CLEC7A: variants seen among roughly 807,000 people sequenced by gnomAD.
CLEC7A encodes C-type lectin domain containing 7A, also known as C-type lectin domain family 7 member A.
A neutral mutation model predicts 26.9 loss-of-function variants in CLEC7A; 25 were observed. The observed-to-expected ratio is 0.93, with a 90% CI of 0.68 to 1.30. The LOEUF (loss-of-function observed/expected upper bound fraction) is 1.30, where lower values mean the gene tolerates loss of function less well. Ranked by LOEUF, CLEC7A falls within the 50% of genes most tolerant of loss-of-function variation. The pLI, the probability that CLEC7A is intolerant of heterozygous loss-of-function variation, is 0.00. For synonymous variants in CLEC7A, 100 were observed against 99.5 expected (o/e 1.01, Z -0.03); for missense variants, 275 against 286.7 (o/e 0.96, Z 0.29).
intron 5 of CLEC7A, 138 bp downstream of exon 5, chr12:10,123,104 CTCT>C (rs1948148790): frequency 9.7e-6 from 6 of 619,124 alleles, no homozygotes; most frequent in South Asian, 2.0e-5. Flanking sequence ...TTCACTCTTT[CTCT>C]TCTTCTATAT....
chr12:10,127,654 A>G, intron 2 of CLEC7A, 93 bp downstream of exon 2: 2 of 983,750 alleles, frequency 2.0e-6, no homozygotes, highest in Non-Finnish European at 3.2e-6. Context: ...AAATTAAAGT[A>G]GATTATGCAT....
intron 5 of CLEC7A, among the ~76,000 whole-genome samples, chr12:10,118,867 A>G (rs890405127): frequency 6.6e-6 from 1 of 152,202 alleles, no homozygotes; most frequent in African/African-American, 2.4e-5. Flanking sequence ...AAAATCATTT[A>G]ATATTCTATA....
chr12:10,127,202 T>G, intron 2 of CLEC7A: 1 of 1,138,920 alleles, frequency 8.8e-7, no homozygotes, highest in Non-Finnish European at 1.2e-6. Context: ...AAAAAAATAT[T>G]AATCCATTAC....
At chr12:10,129,508 C>T (rs1341242762) in intron 1 of CLEC7A, among the ~76,000 whole-genome samples, 1 of 152,188 alleles carries the variant, frequency 6.6e-6, no homozygotes, top group Non-Finnish European at 1.5e-5. Context: ...GTTTAGGGTG[C>T]ATTCAATTTA....
Position 10,125,330 on chromosome 12 carries a change from A to C in CLEC7A, c.459T>G (p.Ser153=). ...TTGAGCTGTCTATCTTTAGGAGATT[A>C]GAGCCCAGTTGCCAGCATTGTCTTT... The part of the protein sequence containing the change: ...GSKRQCWQLG[S]NLLKIDSSNE... The change falls in exon 4 of 6, where the codon TCT becomes TCG. Residue 153 remains serine, a synonymous_variant. Transcript: ENST00000304084. The C allele has an allele frequency of 1.2e-6, 2 of 1,613,852 alleles. No individual in the cohort carries two copies. Among genetic ancestry groups the C allele is most frequent in the Non-Finnish European group, 1.7e-6 (2 of 1,179,924 alleles).
At chr12:10,127,199 T>G in intron 2 of CLEC7A, 1 of 1,062,786 alleles carries the variant, frequency 9.4e-7, no homozygotes, top group Non-Finnish European at 1.2e-6. Flanking sequence ...GTAAAAAAAA[T>G]ATTAATCCAT....
rs368420045 is a variant in CLEC7A at position 10,126,615 on chromosome 12, G to A, written c.296C>T (p.Ser99Phe). Residue 99 changes from serine to phenylalanine, a missense_variant, in exon 3 of 6, where the codon TCT (serine) becomes TTT (phenylalanine). Coordinates refer to ENST00000304084, the MANE Select transcript of CLEC7A (RefSeq NM_197947.3). ...GGTAGGAGTCACACTGTCTTCTAAAGATGATTGTGTGGGTTGACTGTGGTT... is the reference window on the plus strand; with the variant it reads ...GGTAGGAGTCACACTGTCTTCTAAAAATGATTGTGTGGGTTGACTGTGGTT... ...KENHSQPTQS[S>F]LEDSVTPTKA... is the part of the protein sequence containing the mutation. 1.7e-5 allele frequency: 27 copies of A among 1,612,784 alleles called. No individual in the cohort carries two copies. The highest frequency in any genetic ancestry group is 2.3e-5 in the Non-Finnish European group (27 of 1,179,516).
At chr12:10,127,652 G>A (rs760230731) in intron 2 of CLEC7A, 95 bp downstream of exon 2, 29 of 980,472 alleles carry the variant, frequency 3.0e-5, no homozygotes, top group Non-Finnish European at 4.6e-5. Flanking sequence ...ACAAATTAAA[G>A]TAGATTATGC....
chr12:10,125,514 C>G (rs375321656), intron 3 of CLEC7A, 66 bp from the exon 4 acceptor site: 42 of 1,342,920 alleles, frequency 3.1e-5, no homozygotes, highest in Middle Eastern at 4.5e-4. Flanking sequence ...GTGTGAACAC[C>G]ATTCATCTTA....
At chr12:10,128,216 ACAC>A (rs1948367014) in intron 1 of CLEC7A, among the ~76,000 whole-genome samples, 6 of 137,840 alleles carry the variant, frequency 4.4e-5, no homozygotes, top group African/African-American at 1.8e-4. Context: ...AAACACACAC[ACAC>A]ACACACACAC....
Position 10,128,415 on chromosome 12 carries a change from C to T in CLEC7A, c.104-570G>A, listed in dbSNP as rs560064038. Among the ~76,000 whole-genome samples the T allele has an allele frequency of 4.2e-4, 64 of 152,248 alleles. 1 individual carries two copies. The highest frequency in any genetic ancestry group is 1.5e-3 in the African/African-American group (61 of 41,526). Reference sequence around the variant, plus strand: ...GGCACATTGGCTTGATAACTGTATGCTCCTAATTTCAGTTCCACATTGACA... The same window carrying T: ...GGCACATTGGCTTGATAACTGTATGTTCCTAATTTCAGTTCCACATTGACA... On this transcript the variant is annotated intron_variant, in intron 1 of 5. Coordinates refer to ENST00000304084, the MANE Select transcript of CLEC7A (RefSeq NM_197947.3).
Position 10,118,214 on chromosome 12 carries a change from G to A in CLEC7A, c.*244C>T, listed in dbSNP as rs11053593. The A allele has an allele frequency of 0.11, 48,821 of 429,042 alleles. 4,210 individuals are homozygous for A. The highest frequency in any genetic ancestry group is 0.33 in the African/African-American group (15,930 of 48,074). 26.6% of individuals were successfully genotyped at this position (429,042 alleles called of 1,614,324 possible). A position where few individuals can be genotyped will look rare whatever the true frequency, so the allele number is the denominator to read the frequency against. On this transcript the variant is annotated 3_prime_UTR_variant, in exon 6 of 6. Coordinates refer to ENST00000304084, the MANE Select transcript of CLEC7A (RefSeq NM_197947.3). ...AAATAAATAAAAAATAAAAACTCAA[G>A]CTTGGCTGCCCTGATTCCATGTCTA...
At chr12:10,123,130 CTT>C in intron 5 of CLEC7A, 113 bp downstream of exon 5, 1 of 655,574 alleles carries the variant, frequency 1.5e-6, no homozygotes, top group Non-Finnish European at 2.7e-6. Flanking sequence ...TTCTCCCTCT[CTT>C]TCTCATATAT....
chr12:10,127,314 A>C, intron 2 of CLEC7A: 1 of 1,520,350 alleles, frequency 6.6e-7, no homozygotes, highest in Non-Finnish European at 8.9e-7. Flanking sequence ...TGTGAATCAT[A>C]AAAATAGCTT....
chr12:10,123,353 A>C lies in CLEC7A; in HGVS notation c.503T>G (p.Val168Gly), dbSNP rs774785126. The change falls in exon 5 of 6, where the codon GTA becomes GGA. Residue 168 changes from valine (V) to glycine (G), a missense_variant. Val to Gly is a moderately radical substitution (Grantham distance 109). Transcript: ENST00000304084. ...ATCAGGTTGGGAAGACACTTGTTTT[A>C]CTATAAATCCCTGTAATGAAACATA... ...IDSSNELGFI[V>G]KQVSSQPDNS... 7.6e-6 allele frequency: 12 copies of C among 1,576,664 alleles called. No homozygotes were observed. The South Asian group carries it at 1.3e-4, about 17-fold the overall frequency.
At position 10,117,550 on chromosome 12, in the gene CLEC7A, A is replaced by AG. The variant is rs1401500756; in HGVS notation, c.*907_*908insC. ...TGTCTCAAAAAAAAAAAAAAAAAAAAAGATTCTATTAGAGATATGGCAGAT... is the reference window on the plus strand; with the variant it reads ...TGTCTCAAAAAAAAAAAAAAAAAAAAGAGATTCTATTAGAGATATGGCAGAT... On this transcript the variant is annotated 3_prime_UTR_variant, in exon 6 of 6. Coordinates refer to ENST00000304084, the MANE Select transcript of CLEC7A (RefSeq NM_197947.3). 1 of 151,730 alleles carries AG rather than the reference A, an allele frequency of 6.6e-6. No homozygotes were observed. The highest frequency in any genetic ancestry group is 1.5e-5 in the Non-Finnish European group (1 of 67,992). 9.4% of individuals were successfully genotyped at this position (151,730 alleles called of 1,614,324 possible).
intron 2 of CLEC7A, 52 bp from the exon 3 acceptor site, chr12:10,126,760 G>C: frequency 6.8e-7 from 1 of 1,470,302 alleles, no homozygotes; most frequent in Non-Finnish European, 9.3e-7. Flanking sequence ...ATTCTGCTGT[G>C]TTTGAAAATT....
chr12:10,123,784 A>T, intron 4 of CLEC7A, among the ~76,000 whole-genome samples: 1 of 148,660 alleles, frequency 6.7e-6, no homozygotes, highest in African/African-American at 2.5e-5. Flanking sequence ...AAAAAAAAGA[A>T]TGCATGCCTA....
At chr12:10,125,208 T>G (rs1474414862) in intron 4 of CLEC7A, 89 bp downstream of exon 4, 4 of 1,286,850 alleles carry the variant, frequency 3.1e-6, no homozygotes, top group Non-Finnish European at 4.4e-6. Context: ...AAGACTTCAT[T>G]TTAGGAAAAA....
Sources: allele counts gnomAD v4.1 joint callset (sites outside exome capture counted in the v4.1 genomes callset), GRCh38; gene constraint gnomAD v4.1.1; transcripts MANE v1.5; gene names NCBI Gene and HGNC (gene_info 2026-07-23, HGNC 2026-07-21).